Variants in COP1 observed in about 807,000 individuals in gnomAD.
COP1 encodes the protein COP1 E3 ubiquitin ligase.
COP1 carries 24 observed loss-of-function variants against 101.3 expected under a neutral mutation model. The ratio of observed to expected loss-of-function variants is 0.24; its 90% CI spans 0.17 to 0.33. The LOEUF (loss-of-function observed/expected upper bound fraction) is 0.33, where lower values mean the gene tolerates loss of function less well. Among genes scored for constraint, COP1 ranks in the 10% least tolerant of loss-of-function variants. The pLI is 1.00. For synonymous variants in COP1, 347 were observed against 341.9 expected, an observed-to-expected ratio of 1.01 and a Z score of -0.17; for missense variants, 663 against 906.2, an observed-to-expected ratio of 0.73 and a Z score of 3.45.
intron 6 of COP1, among the ~76,000 whole-genome samples, chr1:176,143,635 T>C (rs1465132838): frequency 1.3e-5 from 2 of 151,870 alleles, no homozygotes; most frequent in Admixed American, 6.6e-5. Context: ...GAAGAGAATA[T>C]ACATAACGGC....
intron 12 of COP1, among the ~76,000 whole-genome samples, chr1:176,044,690 G>A (rs1294743714): frequency 6.6e-6 from 1 of 152,148 alleles, no homozygotes; most frequent in Non-Finnish European, 1.5e-5. Flanking sequence ...TATTAGCTGT[G>A]GCTCTGGCTA....
At chr1:175,950,929 T>TA (rs1387575329) in intron 18 of COP1, among the ~76,000 whole-genome samples, 1 of 152,142 alleles carries the variant, frequency 6.6e-6, no homozygotes, top group Non-Finnish European at 1.5e-5. Flanking sequence ...TTGACTTGCT[T>TA]AAAAAGGGTC....
intron 11 of COP1, among the ~76,000 whole-genome samples, chr1:176,071,969 A>G (rs1677085466): frequency 1.3e-5 from 2 of 152,224 alleles, no homozygotes; most frequent in East Asian, 3.9e-4. Flanking sequence ...AGAAAATTTT[A>G]GGGTAGAAGT....
At chr1:176,134,588 T>C (rs887109427) in intron 8 of COP1, among the ~76,000 whole-genome samples, 1 of 152,018 alleles carries the variant, frequency 6.6e-6, no homozygotes, top group African/African-American at 2.4e-5. Context: ...TGCCCTCATT[T>C]TAAATGTGGG....
At chr1:175,945,202 A>G (rs756114536) in intron 19 of COP1, 32 bp from the exon 20 acceptor site, 1 of 1,485,800 alleles carries the variant, frequency 6.7e-7, no homozygotes, top group Middle Eastern at 1.7e-4. Context: ...TCCATTTAAT[A>G]AAATCATTTA....
chr1:175,988,400 A>C lies in COP1; in HGVS notation c.1860T>G (p.Ser620Arg). Reference protein sequence around the residue: ...GEEIVSASTDSQLKLWNVGKP... With the variant: ...GEEIVSASTDRQLKLWNVGKP... ...TCCCTACATTCCACAGTTTTAGCTG[A>C]CTGTCTGTTGAGCTGAGGAAAAGTA... is the stretch of plus-strand genomic sequence containing the variant. The change falls in exon 17 of 20, where the codon AGT (serine) becomes AGG (arginine). Residue 620 changes from serine (S) to arginine (R), a missense_variant. By Grantham distance (110) the Ser-to-Arg change is moderately radical (BLOSUM62 -1). Around this residue, in one of 4 missense-constraint regions of COP1, gnomAD observed 209 missense variants for 383.3 expected, o/e 0.55. Coordinates refer to ENST00000367669, the MANE Select transcript of COP1 (RefSeq NM_022457.7). 1 of 1,601,834 alleles carries C rather than the reference A, an allele frequency of 6.2e-7. No homozygotes were observed. The highest frequency in any genetic ancestry group is 8.5e-7 in the Non-Finnish European group (1 of 1,171,974).
intron 18 of COP1, among the ~76,000 whole-genome samples, chr1:175,977,264 T>C (rs10494495): frequency 0.4 from 60,513 of 151,954 alleles, 12,254 homozygotes; most frequent in Middle Eastern, 0.45. Context: ...AAGATTTAGA[T>C]TCATTTTCTG....
chr1:176,066,759 G>A lies in COP1; in HGVS notation c.1277+14393C>T, dbSNP rs190575792. On this transcript the variant is annotated intron_variant, in intron 11 of 19. Coordinates refer to ENST00000367669, the MANE Select transcript of COP1 (RefSeq NM_022457.7). ...CTATGAAATTCCTTCACCAAAAAAT[G>A]ATAACTAGAACAGCTTTTTTTGAGA... Among the ~76,000 whole-genome samples, 8 of 152,250 alleles carry A rather than the reference G, an allele frequency of 5.3e-5. No homozygotes were observed. In the East Asian group the frequency reaches 1.4e-3, roughly 26 times the overall value.
intron 15 of COP1, among the ~76,000 whole-genome samples, chr1:176,026,180 G>A (rs1028914267): frequency 1.3e-5 from 2 of 151,970 alleles, no homozygotes; most frequent in African/African-American, 4.8e-5. Context: ...TATTTTCCAA[G>A]AAGGAGAAAA....
chr1:176,017,726 TG>T (rs1030358450), intron 15 of COP1, among the ~76,000 whole-genome samples: 7 of 152,236 alleles, frequency 4.6e-5, no homozygotes, highest in African/African-American at 1.7e-4. Flanking sequence ...AGTTTCGCCA[TG>T]TTGGCCAGGC....
intron 2 of COP1, among the ~76,000 whole-genome samples, chr1:176,177,883 A>C (rs1697182967): frequency 6.6e-6 from 1 of 152,200 alleles, no homozygotes; most frequent in African/African-American, 2.4e-5. Context: ...ATAAGTAAAA[A>C]GGAGGAAGGT....
intron 14 of COP1, 100 bp downstream of exon 14, chr1:176,043,086 A>G: frequency 1.3e-6 from 1 of 745,150 alleles, no homozygotes; most frequent in Non-Finnish European, 2.4e-6. Context: ...CAAAGGACTG[A>G]CATGAGTTTG....
intron 9 of COP1, among the ~76,000 whole-genome samples, chr1:176,096,370 G>A (rs1572205785): frequency 6.6e-6 from 1 of 151,680 alleles, no homozygotes; most frequent in Admixed American, 6.6e-5. Flanking sequence ...AGGATGGTTG[G>A]GCGAATGGCA....
intron 1 of COP1, among the ~76,000 whole-genome samples, chr1:176,197,431 G>A (rs533317217): frequency 2.6e-5 from 4 of 152,190 alleles, no homozygotes; most frequent in African/African-American, 4.8e-5. Context: ...AAAAAGAAAG[G>A]AAACAGGCCT....
intron 1 of COP1, among the ~76,000 whole-genome samples, chr1:176,196,524 A>T (rs1368451877): frequency 2.0e-5 from 3 of 152,184 alleles, no homozygotes; most frequent in Non-Finnish European, 2.9e-5. Flanking sequence ...CTCTTAAACT[A>T]CTAAAGTTCA....
intron 11 of COP1, 69 bp from the exon 12 acceptor site, chr1:176,046,393 T>G: frequency 6.9e-7 from 1 of 1,440,700 alleles, no homozygotes; most frequent in Non-Finnish European, 9.5e-7. Context: ...AGTAATTCGG[T>G]CTACAAGGAT....
intron 15 of COP1, among the ~76,000 whole-genome samples, chr1:176,016,036 A>G (rs886289460): frequency 2.4e-4 from 36 of 152,310 alleles, no homozygotes; most frequent in African/African-American, 8.2e-4. Context: ...TTAACAAAAA[A>G]GAAGATAAAG....
intron 1 of COP1, among the ~76,000 whole-genome samples, chr1:176,197,009 T>C (rs749944220): frequency 2.6e-5 from 4 of 152,126 alleles, no homozygotes; most frequent in Non-Finnish European, 5.9e-5. Flanking sequence ...TTAAATTGTA[T>C]TTCCATCCCT....
intron 15 of COP1, among the ~76,000 whole-genome samples, chr1:176,015,449 A>T (rs1328091505): frequency 1.3e-5 from 2 of 152,202 alleles, no homozygotes; most frequent in Non-Finnish European, 1.5e-5. Context: ...AAGGGGTCAG[A>T]TTCCTATCCA....
Sources: allele counts gnomAD v4.1 joint callset (sites outside exome capture counted in the v4.1 genomes callset), GRCh38; gene constraint gnomAD v4.1.1; regional missense constraint gnomAD v4.1.1; transcripts MANE v1.5; gene names NCBI Gene and HGNC (gene_info 2026-07-23, HGNC 2026-07-21).